CDH13: variants seen among roughly 807,000 people sequenced by gnomAD.
CDH13 encodes the protein cadherin-13.
Under a neutral mutation model 63.8 loss-of-function variants are expected in CDH13, and 24 were observed. The ratio of observed to expected loss-of-function variants is 0.38; its 90% CI spans 0.27 to 0.53. The LOEUF is 0.53. CDH13 is among the 20% of genes least tolerant of loss of function. The pLI is 0.85. For synonymous variants in CDH13, 503 were observed against 355.3 expected (o/e 1.42, Z -4.67); for missense variants, 1,049 against 903.1 (o/e 1.16, Z -2.07).
intron 8 of CDH13, among the ~76,000 whole-genome samples, chr16:83,604,641 G>A (rs773816046): frequency 4.6e-5 from 7 of 152,112 alleles, no homozygotes; most frequent in Non-Finnish European, 7.4e-5. Context: ...GGCTTATGGA[G>A]CTGGTGTTTC....
At chr16:83,081,055 AT>A (rs895717214) in intron 3 of CDH13, among the ~76,000 whole-genome samples, 4 of 151,076 alleles carry the variant, frequency 2.6e-5, no homozygotes, top group African/African-American at 9.7e-5. Flanking sequence ...CTAATTTTTT[AT>A]TTTTAGTACA....
At chr16:83,457,298 C>G (rs2073050747) in intron 6 of CDH13, among the ~76,000 whole-genome samples, 1 of 152,150 alleles carries the variant, frequency 6.6e-6, no homozygotes, top group African/African-American at 2.4e-5. Context: ...AACATTACCT[C>G]TAATTGTTAC....
chr16:83,040,273 C>G (rs542199887), intron 3 of CDH13, among the ~76,000 whole-genome samples: 38 of 152,184 alleles, frequency 2.5e-4, no homozygotes, highest in Admixed American at 1.6e-3. Flanking sequence ...AGACACAGAA[C>G]TAATGTGATA....
At chr16:82,816,836 A>G (rs1318683014) in intron 1 of CDH13, among the ~76,000 whole-genome samples, 2 of 151,528 alleles carry the variant, frequency 1.3e-5, no homozygotes, top group South Asian at 2.1e-4. Flanking sequence ...ATGACTCATC[A>G]TCTCATCTCT....
At chr16:82,630,332 AT>A (rs369438582) in intron 1 of CDH13, among the ~76,000 whole-genome samples, 140 of 151,544 alleles carry the variant, frequency 9.2e-4, no homozygotes, top group East Asian at 3.9e-3. Context: ...CTGTCTGAAT[AT>A]TTTTTTTTAG....
At chr16:83,028,824 C>A (rs67412520) in intron 2 of CDH13, among the ~76,000 whole-genome samples, 15,547 of 152,086 alleles carry the variant, frequency 0.1, 878 homozygotes, top group African/African-American at 0.15. Context: ...TGAAGAAAGC[C>A]AAGCCATGGA....
chr16:83,683,394 A>G (rs1915561046), intron 10 of CDH13, among the ~76,000 whole-genome samples: 1 of 152,338 alleles, frequency 6.6e-6, no homozygotes, highest in East Asian at 1.9e-4. Flanking sequence ...CAGACAAGGA[A>G]ATCCCTTTTC....
At chr16:82,923,241 G>A (rs2042210619) in intron 2 of CDH13, among the ~76,000 whole-genome samples, 1 of 152,194 alleles carries the variant, frequency 6.6e-6, no homozygotes. Flanking sequence ...ACATGGGTGT[G>A]TCCATACTGC....
chr16:83,700,278 A>T (rs1299147157), intron 10 of CDH13, among the ~76,000 whole-genome samples: 1 of 152,220 alleles, frequency 6.6e-6, no homozygotes, highest in Admixed American at 6.5e-5. Context: ...AGAGACAAAG[A>T]CCTTCTGCAG....
chr16:83,178,045 A>T (rs2038198020), intron 4 of CDH13, among the ~76,000 whole-genome samples: 1 of 152,170 alleles, frequency 6.6e-6, no homozygotes, highest in African/African-American at 2.4e-5. Context: ...AGAAAAAAAT[A>T]GTACCAGAAC....
intron 8 of CDH13, among the ~76,000 whole-genome samples, chr16:83,625,253 C>T (rs1910194359): frequency 2.0e-5 from 3 of 151,888 alleles, no homozygotes; most frequent in Admixed American, 2.0e-4. Context: ...TAATTTAAGC[C>T]AAAATGACGG....
chr16:82,697,852 C>T (rs186254361), intron 1 of CDH13, among the ~76,000 whole-genome samples: 1 of 151,812 alleles, frequency 6.6e-6, no homozygotes, highest in Non-Finnish European at 1.5e-5. Context: ...TATATTTGCA[C>T]TGCTGATAAT....
intron 3 of CDH13, among the ~76,000 whole-genome samples, chr16:83,050,568 T>G (rs1427249821): frequency 6.6e-6 from 1 of 152,224 alleles, no homozygotes; most frequent in Non-Finnish European, 1.5e-5. Context: ...ATTTCCTGTC[T>G]TGATTTTCCT....
chr16:82,793,705 A>G (rs1275363159), intron 1 of CDH13, among the ~76,000 whole-genome samples: 1 of 152,200 alleles, frequency 6.6e-6, no homozygotes, highest in African/African-American at 2.4e-5. Flanking sequence ...TCTGTGATGT[A>G]GATGACTGTG....
intron 5 of CDH13, among the ~76,000 whole-genome samples, chr16:83,301,028 T>TTG (rs2089724389): frequency 8.3e-6 from 1 of 120,362 alleles, no homozygotes; most frequent in Non-Finnish European, 1.7e-5. Flanking sequence ...TTCTGGGGTT[T>TTG]TTTTTTTTTT....
Position 83,006,924 on chromosome 16 carries a change from G to GTT in CDH13, c.158-25084_158-25083dup, listed in dbSNP as rs1286586839. Among the ~76,000 whole-genome samples, 76 of 127,742 alleles carry GTT rather than the reference G, an allele frequency of 5.9e-4. 8 individuals carry two copies. The highest frequency in any genetic ancestry group is 2.1e-3 in the African/African-American group (72 of 34,510). The allele number at this position is 127,742 out of a possible 152,430, so 83.8% of individuals were successfully genotyped here. A position where few individuals can be genotyped will look rare whatever the true frequency, so the allele number is the denominator to read the frequency against. On this transcript the variant is annotated intron_variant, in intron 2 of 13. Transcript: ENST00000567109. The stretch of plus-strand genomic sequence containing the variant: ...ATTTTTTTTGTTTGTTTGTTTGTTT[G>GTT]TTTGTTTGTTTTTTTTGAGACAGAG...
At chr16:83,356,537 G>T (rs2091060965) in intron 6 of CDH13, among the ~76,000 whole-genome samples, 1 of 152,090 alleles carries the variant, frequency 6.6e-6, no homozygotes, top group Non-Finnish European at 1.5e-5. Flanking sequence ...CAGCACCCTT[G>T]CTCTAAGACT....
chr16:83,176,280 G>A (rs919841787), intron 4 of CDH13, among the ~76,000 whole-genome samples: 1 of 152,024 alleles, frequency 6.6e-6, no homozygotes, highest in Admixed American at 6.5e-5. Context: ...GGGAGGCTGA[G>A]GCAGGCAGAC....
At chr16:83,094,154 C>T (rs911410312) in intron 3 of CDH13, among the ~76,000 whole-genome samples, 5 of 152,152 alleles carry the variant, frequency 3.3e-5, no homozygotes, top group Non-Finnish European at 7.3e-5. Context: ...TCTGGCTTAA[C>T]TGCAAAGCAA....
Sources: gnomAD v4.1 joint callset for allele counts (sites outside exome capture counted in the v4.1 genomes callset) on GRCh38, gnomAD v4.1.1 for gene constraint, MANE v1.5 for transcripts, NCBI Gene and HGNC (gene_info 2026-07-23, HGNC 2026-07-21) for gene names.